UNC79: variants seen among roughly 807,000 people sequenced by gnomAD.
UNC79 encodes the protein unc-79 subunit of NALCN channel complex.
A neutral mutation model predicts 283.1 loss-of-function variants in UNC79; 37 were observed. The ratio of observed to expected loss-of-function variants is 0.13; its 90% CI spans 0.10 to 0.17. The LOEUF (loss-of-function observed/expected upper bound fraction) is 0.17, where lower values mean the gene tolerates loss of function less well. UNC79 is among the 10% of genes least tolerant of loss of function. The pLI, the probability that UNC79 is intolerant of heterozygous loss-of-function variation, is 1.00. For synonymous variants in UNC79, 1,107 were observed against 1,200.2 expected (o/e 0.92, Z 1.61); for missense variants, 2,272 against 3,211.1 (o/e 0.71, Z 7.07).
At chr14:93,381,982 A>G (rs2054674527) in intron 1 of UNC79, among the ~76,000 whole-genome samples, 1 of 152,224 alleles carries the variant, frequency 6.6e-6, no homozygotes, top group Non-Finnish European at 1.5e-5. Context: ...CTGGAAACTA[A>G]AAAGACCAAC....
At chr14:93,614,789 G>C (rs950876944) in intron 27 of UNC79, among the ~76,000 whole-genome samples, 1 of 152,106 alleles carries the variant, frequency 6.6e-6, no homozygotes, top group Non-Finnish European at 1.5e-5. Context: ...ATGGTGGACA[G>C]ACACCATACT....
chr14:93,450,177 C>A (rs1165621647), intron 1 of UNC79, among the ~76,000 whole-genome samples: 1 of 152,196 alleles, frequency 6.6e-6, no homozygotes, highest in Non-Finnish European at 1.5e-5. Flanking sequence ...GAGTGGGTTA[C>A]TCTATGTTTT....
intron 5 of UNC79, among the ~76,000 whole-genome samples, chr14:93,494,260 G>C (rs2058910246): frequency 6.6e-6 from 1 of 152,066 alleles, no homozygotes; most frequent in African/African-American, 2.4e-5. Flanking sequence ...CAAAGGGATG[G>C]TGCTAAACCA....
chr14:93,427,409 TATTA>T (rs1186440561), upstream of UNC79, among the ~76,000 whole-genome samples: 3 of 152,156 alleles, frequency 2.0e-5, no homozygotes, highest in African/African-American at 7.2e-5. Context: ...TATAGTGTGG[TATTA>T]ATTATAGAAA....
chr14:93,393,708 A>G (rs1030357232), intron 1 of UNC79, among the ~76,000 whole-genome samples: 1 of 152,098 alleles, frequency 6.6e-6, no homozygotes, highest in East Asian at 1.9e-4. Context: ...AATTGAAGCA[A>G]TTTTTAAAAA....
chr14:93,477,681 A>G (rs1242670353), exon 4 of UNC79: 5 of 1,613,526 alleles, frequency 3.1e-6, no homozygotes, highest in Non-Finnish European at 4.2e-6. Flanking sequence ...TTTCTGCACA[A>G]GGATATCATT....
intron 26 of UNC79, among the ~76,000 whole-genome samples, chr14:93,612,455 A>C (rs916341327): frequency 2.6e-5 from 4 of 152,220 alleles, no homozygotes; most frequent in Non-Finnish European, 5.9e-5. Context: ...ATCACTGAGG[A>C]TAAAACTTTG....
intron 32 of UNC79, 102 bp from the exon 36 acceptor site, chr14:93,641,043 G>A: frequency 2.3e-6 from 2 of 887,430 alleles, no homozygotes; most frequent in South Asian, 1.9e-5. Flanking sequence ...TTGTATTCCT[G>A]GGAATGTGAT....
chr14:93,696,359 G>A (rs1162368845), intron 47 of UNC79, among the ~76,000 whole-genome samples: 1 of 152,138 alleles, frequency 6.6e-6, no homozygotes, highest in African/African-American at 2.4e-5. Context: ...TGTGACAGAT[G>A]TATATTTACC....
intron 1 of UNC79, among the ~76,000 whole-genome samples, chr14:93,372,299 A>G (rs2054468797): frequency 6.6e-6 from 1 of 152,252 alleles, no homozygotes; most frequent in African/African-American, 2.4e-5. Flanking sequence ...TATATTACAT[A>G]CAGTAACAAA....
intron 10 of UNC79, among the ~76,000 whole-genome samples, chr14:93,529,665 A>G (rs2060714141): frequency 6.6e-6 from 1 of 152,138 alleles, no homozygotes; most frequent in South Asian, 2.1e-4. Flanking sequence ...CTTACTAAGG[A>G]GAAGAAAAAG....
chr14:93,698,092 ACTTTATATAATTT>A (rs1370650020), intron 47 of UNC79, among the ~76,000 whole-genome samples: 1 of 152,202 alleles, frequency 6.6e-6, no homozygotes, highest in East Asian at 1.9e-4. Context: ...CAGAGAATAT[ACTTTATATAATTT>A]GATTCATTTT....
At chr14:93,701,289 A>G (rs545439079) in intron 47 of UNC79, among the ~76,000 whole-genome samples, 102 of 152,274 alleles carry the variant, frequency 6.7e-4, no homozygotes, top group African/African-American at 2.4e-3. Flanking sequence ...CTGGATTTTT[A>G]GTTGTCCCAG....
intron 1 of UNC79, among the ~76,000 whole-genome samples, chr14:93,463,785 T>A (rs2057048438): frequency 6.6e-6 from 1 of 152,136 alleles, no homozygotes; most frequent in South Asian, 2.1e-4. Flanking sequence ...TGGGCTTAAG[T>A]GGAGATAGAT....
Position 93,650,304 on chromosome 14 carries a change from T to C in UNC79, c.6084-3438T>C, listed in dbSNP as rs530375392. On this transcript the variant is annotated intron_variant, in intron 35 of 48. Transcript: ENST00000555664. Reference sequence around the variant, plus strand: ...AAGCCCTTTTTAAAACAAGTGTTTTTATTTCTCTTGGGTAAAATACCTAGG... The same window carrying C: ...AAGCCCTTTTTAAAACAAGTGTTTTCATTTCTCTTGGGTAAAATACCTAGG... Among the ~76,000 whole-genome samples, 15 of 152,306 alleles carry C rather than the reference T, an allele frequency of 9.8e-5. No individual in the cohort carries two copies. The East Asian group carries it at 2.7e-3, about 27-fold the overall frequency.
intron 7 of UNC79, among the ~76,000 whole-genome samples, chr14:93,522,286 T>A (rs1289905517): frequency 1.3e-5 from 2 of 152,096 alleles, no homozygotes; most frequent in African/African-American, 2.4e-5. Context: ...TGTAAAGCAA[T>A]CTGCAGACAT....
chr14:93,469,245 G>C (rs2057374952), intron 2 of UNC79, among the ~76,000 whole-genome samples: 1 of 152,202 alleles, frequency 6.6e-6, no homozygotes, highest in South Asian at 2.1e-4. Context: ...TGGACCATTA[G>C]AATATGATCA....
chr14:93,484,423 T>TA (rs1301202756), intron 4 of UNC79, among the ~76,000 whole-genome samples: 1 of 152,224 alleles, frequency 6.6e-6, no homozygotes, highest in Admixed American at 6.5e-5. Flanking sequence ...TTTTCCTATA[T>TA]AACTCCTCTT....
chr14:93,420,561 A>G (rs924470467), intron 1 of UNC79, among the ~76,000 whole-genome samples: 1 of 151,818 alleles, frequency 6.6e-6, no homozygotes, highest in Non-Finnish European at 1.5e-5. Context: ...CAGACAGAAA[A>G]TTAACAAAGA....
Sources: allele counts gnomAD v4.1 joint callset (sites outside exome capture counted in the v4.1 genomes callset), GRCh38; gene constraint gnomAD v4.1.1; transcripts MANE v1.5; gene names NCBI Gene and HGNC (gene_info 2026-07-23, HGNC 2026-07-21).